The following RBFOX1 variants were observed in gnomAD, a reference collection of about 807,000 sequenced individuals.
The protein encoded by RBFOX1 is RNA binding protein fox-1 homolog 1.
In RBFOX1, 8 loss-of-function variants were observed where a neutral mutation model predicts 57.7. That is an observed-to-expected ratio of 0.14 (90% CI 0.08 to 0.25). RBFOX1 has a LOEUF of 0.25. RBFOX1 is among the 10% of genes least tolerant of loss of function. RBFOX1 has a pLI of 1.00. For missense variants in RBFOX1, 611 were observed against 548.5 expected, an observed-to-expected ratio of 1.11 and a Z score of -1.14; for synonymous variants, 326 against 222.4, an observed-to-expected ratio of 1.47 and a Z score of -4.15.
In RBFOX1 at chr16:6,256,249, A is replaced by G. The variant is rs1289062381; in HGVS notation, c.-126-60746A>G. Among the ~76,000 whole-genome samples, 81 of 109,154 alleles carry G rather than the reference A, an allele frequency of 7.4e-4. 1 individual carries two copies. The highest frequency in any genetic ancestry group is 6.4e-4 in the Non-Finnish European group (37 of 57,974). The allele number at this position is 109,154 out of a possible 152,430, so 71.6% of individuals were successfully genotyped here. ...TATATATATGTGTATATATATATGT[A>G]TATATATGTGTATATATATATGTAT... On this transcript the variant is annotated intron_variant, in intron 1 of 15. Transcript: ENST00000550418.
intron 1 of RBFOX1, among the ~76,000 whole-genome samples, chr16:6,162,367 C>T (rs1013426195): frequency 1.4e-4 from 21 of 152,134 alleles, no homozygotes; most frequent in African/African-American, 4.8e-4. Context: ...CACCTGCTTC[C>T]GCCTTCCAAA....
At chr16:6,602,333 A>T (rs2154008677) in intron 2 of RBFOX1, among the ~76,000 whole-genome samples, 1 of 152,190 alleles carries the variant, frequency 6.6e-6, no homozygotes, top group East Asian at 1.9e-4. Context: ...AAAAAGTCCG[A>T]CGTATTCTTT....
intron 3 of RBFOX1, among the ~76,000 whole-genome samples, chr16:6,784,309 C>G (rs1211220075): frequency 2.0e-5 from 3 of 151,920 alleles, no homozygotes; most frequent in African/African-American, 4.8e-5. Flanking sequence ...TCTTTTTTAG[C>G]TTCTTTTTTT....
At chr16:7,052,178 C>T (rs1013831879) in intron 4 of RBFOX1, 80 bp downstream of exon 4, 105 of 1,537,064 alleles carry the variant, frequency 6.8e-5, no homozygotes, top group Non-Finnish European at 9.0e-5. Flanking sequence ...TCTCCCAAGA[C>T]ACGGGTTCTA....
chr16:7,604,751 ATT>A (rs757213968), intron 9 of RBFOX1, among the ~76,000 whole-genome samples: 24 of 152,198 alleles, frequency 1.6e-4, no homozygotes, highest in Non-Finnish European at 3.2e-4. Flanking sequence ...TCATTGGCAA[ATT>A]TATAATCTTT....
At chr16:7,180,604 A>G (rs1317114226) in intron 4 of RBFOX1, among the ~76,000 whole-genome samples, 2 of 152,092 alleles carry the variant, frequency 1.3e-5, no homozygotes, top group Admixed American at 6.6e-5. Flanking sequence ...TTTTCTGTAA[A>G]AGGTGAGATG....
intron 1 of RBFOX1, among the ~76,000 whole-genome samples, chr16:5,426,330 G>T (rs2067557692): frequency 6.6e-6 from 1 of 151,958 alleles, no homozygotes; most frequent in African/African-American, 2.4e-5. Context: ...AAGCAGGAGG[G>T]TTGCTGAATG....
intron 1 of RBFOX1, among the ~76,000 whole-genome samples, chr16:6,158,061 T>C (rs2096850990): frequency 6.6e-6 from 1 of 152,124 alleles, no homozygotes; most frequent in Non-Finnish European, 1.5e-5. Context: ...TCCAAACCAA[T>C]GGAAACTAGG....
intron 3 of RBFOX1, among the ~76,000 whole-genome samples, chr16:7,016,471 C>T (rs557260635): frequency 6.6e-6 from 1 of 152,220 alleles, no homozygotes. Flanking sequence ...GGGACGTAAC[C>T]TAAGTCACTG....
intron 2 of RBFOX1, among the ~76,000 whole-genome samples, chr16:6,423,602 CAAAAT>C (rs2093836611): frequency 6.6e-6 from 1 of 151,550 alleles, no homozygotes; most frequent in African/African-American, 2.4e-5. Context: ...GACTCTGTCT[CAAAAT>C]AAAAAATAAA....
chr16:6,094,538 A>G, intron 1 of RBFOX1, among the ~76,000 whole-genome samples: 1 of 152,180 alleles, frequency 6.6e-6, no homozygotes, highest in East Asian at 1.9e-4. Flanking sequence ...GGAAGCTTGA[A>G]AGGAGTTATT....
intron 3 of RBFOX1, among the ~76,000 whole-genome samples, chr16:6,836,166 G>A (rs578094275): frequency 3.9e-5 from 6 of 152,274 alleles, no homozygotes; most frequent in Admixed American, 2.0e-4. Flanking sequence ...ATACGTCACC[G>A]GGTAACGCAT....
At chr16:6,462,744 C>G (rs1160050616) in intron 2 of RBFOX1, among the ~76,000 whole-genome samples, 1 of 150,922 alleles carries the variant, frequency 6.6e-6, no homozygotes, top group Non-Finnish European at 1.5e-5. Flanking sequence ...GAAGTCTTCC[C>G]GACGCTATAA....
intron 4 of RBFOX1, among the ~76,000 whole-genome samples, chr16:7,216,284 C>T (rs746101043): frequency 5.9e-5 from 9 of 152,082 alleles, no homozygotes; most frequent in Non-Finnish European, 1.0e-4. Flanking sequence ...TCTCATTGAC[C>T]ATGAGCAGAA....
intron 3 of RBFOX1, among the ~76,000 whole-genome samples, chr16:6,720,315 A>C (rs1018820814): frequency 1.3e-5 from 2 of 152,084 alleles, no homozygotes; most frequent in Non-Finnish European, 2.9e-5. Context: ...AAGACATGCC[A>C]GCTTCCCTTT....
intron 10 of RBFOX1, among the ~76,000 whole-genome samples, chr16:7,615,299 C>G (rs2058254820): frequency 6.6e-6 from 1 of 151,710 alleles, no homozygotes; most frequent in Non-Finnish European, 1.5e-5. Flanking sequence ...TGCCACTGCA[C>G]TCCAGCCTGG....
At chr16:6,579,343 A>G (rs1256300696) in intron 2 of RBFOX1, among the ~76,000 whole-genome samples, 3 of 152,040 alleles carry the variant, frequency 2.0e-5, no homozygotes, top group South Asian at 2.1e-4. Context: ...AGCTGGGACT[A>G]TATGCATGCA....
intron 3 of RBFOX1, among the ~76,000 whole-genome samples, chr16:6,778,647 A>G (rs1439323732): frequency 6.6e-6 from 1 of 152,112 alleles, no homozygotes; most frequent in Non-Finnish European, 1.5e-5. Flanking sequence ...TCCTTAGTCT[A>G]TAAAGAGTAA....
rs554509978 is a variant in RBFOX1, at chr16:6,742,349, G to A, written c.-16+87699G>A. 4.8e-4 allele frequency among the ~76,000 whole-genome samples: 73 copies of A among 152,222 alleles called. 1 individual carries two copies. Among genetic ancestry groups the A allele is most frequent in the African/African-American group, 1.5e-3 (64 of 41,538 alleles). ...GAAACTATCAAATATTTACAAGGAC[G>A]CATAGAAAGTGTGTCTCTCATATAC... On this transcript the variant is annotated intron_variant, in intron 3 of 15. Transcript: ENST00000550418.
Sources: allele counts gnomAD v4.1 joint callset (sites outside exome capture counted in the v4.1 genomes callset), GRCh38; gene constraint gnomAD v4.1.1; transcripts MANE v1.5; gene names NCBI Gene and HGNC (gene_info 2026-07-23, HGNC 2026-07-21).